Variants in MAGI2 observed in about 807,000 individuals in gnomAD.
MAGI2 encodes the protein membrane associated guanylate kinase, WW and PDZ domain containing 2.
MAGI2 carries 35 observed loss-of-function variants against 133.3 expected under a neutral mutation model. The observed-to-expected ratio is 0.26, with a 90% CI of 0.20 to 0.35. The LOEUF is 0.35. Among genes scored for constraint, MAGI2 ranks in the 10% least tolerant of loss-of-function variants. The probability of loss-of-function intolerance (pLI) is 1.00; values close to 1 mark genes in which losing one functional copy is unlikely to be tolerated. For synonymous variants in MAGI2, 729 were observed against 710.6 expected, an observed-to-expected ratio of 1.03 and a Z score of -0.41; for missense variants, 1,636 against 1,863.4, an observed-to-expected ratio of 0.88 and a Z score of 2.25.
At chr7:78,820,370 G>A (rs369532661) in intron 2 of MAGI2, among the ~76,000 whole-genome samples, 54 of 151,732 alleles carry the variant, frequency 3.6e-4, no homozygotes, top group African/African-American at 1.2e-3. Context: ...GTTGAATCTC[G>A]GAACAACAGT....
At chr7:78,788,920 C>T (rs1827053014) in intron 2 of MAGI2, among the ~76,000 whole-genome samples, 1 of 152,112 alleles carries the variant, frequency 6.6e-6, no homozygotes, top group Non-Finnish European at 1.5e-5. Flanking sequence ...GGCTCGTCTG[C>T]CTCTGTACCC....
intron 1 of MAGI2, among the ~76,000 whole-genome samples, chr7:79,185,515 C>CT (rs1827001005): frequency 2.9e-5 from 3 of 102,746 alleles, no homozygotes; most frequent in African/African-American, 1.1e-4. Flanking sequence ...CCAATTTGGT[C>CT]ATTTTTTTTT....
chr7:78,789,767 G>C (rs1471017356), intron 2 of MAGI2, among the ~76,000 whole-genome samples: 3 of 152,078 alleles, frequency 2.0e-5, no homozygotes, highest in Non-Finnish European at 2.9e-5. Flanking sequence ...TCACCTTGTT[G>C]TGCTATCACG....
chr7:78,038,199 C>G (rs895854726), intron 21 of MAGI2, among the ~76,000 whole-genome samples: 1 of 152,180 alleles, frequency 6.6e-6, no homozygotes, highest in African/African-American at 2.4e-5. Flanking sequence ...CAGCCCCTAA[C>G]ACAGTGCTGG....
chr7:78,519,546 T>C (rs1469594882), intron 4 of MAGI2, among the ~76,000 whole-genome samples: 4 of 152,174 alleles, frequency 2.6e-5, no homozygotes, highest in African/African-American at 4.8e-5. Context: ...TGGCTAGGGT[T>C]GATCAAGAAC....
intron 1 of MAGI2, among the ~76,000 whole-genome samples, chr7:79,134,748 A>T (rs1457434380): frequency 6.6e-6 from 1 of 152,256 alleles, no homozygotes; most frequent in Non-Finnish European, 1.5e-5. Flanking sequence ...AGAGAGTATT[A>T]GAATACCTGA....
chr7:78,877,102 T>A (rs549799901), intron 2 of MAGI2, among the ~76,000 whole-genome samples: 1 of 152,214 alleles, frequency 6.6e-6, no homozygotes, highest in Non-Finnish European at 1.5e-5. Context: ...CTGTTAACTT[T>A]ATCAAATCTT....
chr7:78,632,194 C>T (rs1462453817), intron 2 of MAGI2, among the ~76,000 whole-genome samples: 1 of 151,898 alleles, frequency 6.6e-6, no homozygotes, highest in African/African-American at 2.4e-5. Flanking sequence ...AAGATTCCTG[C>T]CTTCATGGAA....
intron 4 of MAGI2, among the ~76,000 whole-genome samples, chr7:78,509,704 T>C (rs1401337107): frequency 1.3e-5 from 2 of 152,180 alleles, no homozygotes; most frequent in Non-Finnish European, 2.9e-5. Context: ...AATGTCATGG[T>C]TTTCAACGTT....
Position 78,160,247 on chromosome 7 carries a change from T to C in MAGI2, c.2623A>G (p.Ser875Gly), listed in dbSNP as rs148839115. 1 of 1,599,254 alleles carries C rather than the reference T, an allele frequency of 6.3e-7. No individual in the cohort carries two copies. ...TGGTGGGTGGATACAGAGCCTGGAC[T>C]TCTCCCGTTCTCTGGGCAGGGCTCC... is the stretch of plus-strand genomic sequence containing the variant. ...GGEPCPENGRSPGSVSTHHSS... is the reference protein window; with the variant it reads ...GGEPCPENGRGPGSVSTHHSS... Residue 875 changes from serine to glycine, a missense_variant, in exon 16 of 22, where the codon AGT becomes GGT. Physicochemically the swap from Ser to Gly is moderately conservative, Grantham distance 56. Coordinates refer to ENST00000354212, the MANE Select transcript of MAGI2 (RefSeq NM_012301.4).
chr7:79,097,043 A>G (rs1365671184), intron 1 of MAGI2, among the ~76,000 whole-genome samples: 1 of 152,242 alleles, frequency 6.6e-6, no homozygotes, highest in Non-Finnish European at 1.5e-5. Context: ...AGTAATCTAA[A>G]ACATAAAAAT....
At chr7:79,297,112 G>A (rs916664110) in intron 1 of MAGI2, among the ~76,000 whole-genome samples, 46 of 152,232 alleles carry the variant, frequency 3.0e-4, no homozygotes, top group African/African-American at 1.1e-3. Context: ...CCAGCAGGAA[G>A]AGCAATCAAG....
chr7:79,045,049 T>A (rs941932200), intron 1 of MAGI2, among the ~76,000 whole-genome samples: 4 of 152,164 alleles, frequency 2.6e-5, no homozygotes, highest in Non-Finnish European at 4.4e-5. Flanking sequence ...ATCCATAGAA[T>A]AGTGGGTTAA....
intron 9 of MAGI2, among the ~76,000 whole-genome samples, chr7:78,295,737 C>A (rs1418281563): frequency 1.3e-5 from 2 of 152,080 alleles, no homozygotes; most frequent in African/African-American, 4.8e-5. Context: ...ATGTCAGTAG[C>A]CCTCCCCTAA....
intron 1 of MAGI2, among the ~76,000 whole-genome samples, chr7:79,418,871 A>G (rs868265441): frequency 2.5e-4 from 21 of 85,326 alleles, no homozygotes; most frequent in Non-Finnish European, 3.5e-4. Flanking sequence ...ACACACACGC[A>G]CACACACACA....
intron 6 of MAGI2, among the ~76,000 whole-genome samples, chr7:78,373,974 C>A (rs1794192013): frequency 6.6e-6 from 1 of 152,082 alleles, no homozygotes; most frequent in South Asian, 2.1e-4. Context: ...GCATATATAC[C>A]ACATTTTCTT....
chr7:79,336,689 G>GCTTATATACTTATATAAGCTTCCGCC (rs1840460256), intron 1 of MAGI2, among the ~76,000 whole-genome samples: 1 of 152,032 alleles, frequency 6.6e-6, no homozygotes, highest in Non-Finnish European at 1.5e-5. Flanking sequence ...CCGCCTGTAA[G>GCTTATATACTTATATAAGCTTCCGCC]TGAGATTATA....
At chr7:78,201,511 AC>A (rs1248599434) in intron 10 of MAGI2, among the ~76,000 whole-genome samples, 1 of 152,222 alleles carries the variant, frequency 6.6e-6, no homozygotes, top group East Asian at 1.9e-4. Context: ...TTTCTATTGC[AC>A]AGCCTTAGTG....
At chr7:78,868,910 T>C (rs1172266173) in intron 2 of MAGI2, among the ~76,000 whole-genome samples, 1 of 152,006 alleles carries the variant, frequency 6.6e-6, no homozygotes, top group Non-Finnish European at 1.5e-5. Flanking sequence ...CCCGCCACAA[T>C]GCCCGGCTAA....
Sources: gnomAD v4.1 joint callset for allele counts (sites outside exome capture counted in the v4.1 genomes callset) on GRCh38, gnomAD v4.1.1 for gene constraint, MANE v1.5 for transcripts, NCBI Gene and HGNC (gene_info 2026-07-23, HGNC 2026-07-21) for gene names.